CTNND2: variants seen among roughly 807,000 people sequenced by gnomAD.
CTNND2 encodes catenin delta 2.
Under a neutral mutation model 144.4 loss-of-function variants are expected in CTNND2, and 22 were observed. That is an observed-to-expected ratio of 0.15 (90% confidence interval 0.11 to 0.22). CTNND2 has a LOEUF of 0.22. Among genes scored for constraint, CTNND2 ranks in the 10% least tolerant of loss-of-function variants. The probability of loss-of-function intolerance (pLI) is 1.00; values close to 1 mark genes in which losing one functional copy is unlikely to be tolerated. For missense variants in CTNND2, 1,353 were observed against 1,618.8 expected (o/e 0.84, Z 2.82); for synonymous variants, 751 against 695.6 (o/e 1.08, Z -1.25).
intron 3 of CTNND2, among the ~76,000 whole-genome samples, chr5:11,562,628 A>C (rs1291683225): frequency 6.6e-6 from 1 of 152,248 alleles, no homozygotes; most frequent in Non-Finnish European, 1.5e-5. Flanking sequence ...ACTATTATTT[A>C]GTACAGATTT....
rs1312374389 is a variant in CTNND2, at chr5:11,846,004, T to A, written c.37+57813A>T. ...GGAACATAAATCACAGCCTAGCACA[T>A]TATGGCCACAAACCATAATGATTTC... On this transcript the variant is annotated intron_variant, in intron 1 of 21. Coordinates refer to ENST00000304623, the MANE Select transcript of CTNND2 (RefSeq NM_001332.4). Among the ~76,000 whole-genome samples, 13 of 152,288 alleles carry A rather than the reference T, an allele frequency of 8.5e-5. No homozygotes were observed. The East Asian group carries it at 2.5e-3, about 29-fold the overall frequency.
intron 12 of CTNND2, among the ~76,000 whole-genome samples, chr5:11,118,974 T>G (rs1235162376): frequency 6.6e-6 from 1 of 152,062 alleles, no homozygotes; most frequent in Non-Finnish European, 1.5e-5. Context: ...CCCTTCACAC[T>G]CTCTTGGCTC....
At chr5:11,169,831 T>C (rs1418982857) in intron 11 of CTNND2, among the ~76,000 whole-genome samples, 2 of 152,216 alleles carry the variant, frequency 1.3e-5, no homozygotes, top group Non-Finnish European at 2.9e-5. Flanking sequence ...TCTTGGGTTC[T>C]ACGGCTTTCA....
chr5:11,481,623 C>T (rs371639327), intron 3 of CTNND2, among the ~76,000 whole-genome samples: 45 of 150,330 alleles, frequency 3.0e-4, no homozygotes, highest in Non-Finnish European at 3.7e-4. Flanking sequence ...GAGGGAGAGA[C>T]GGAGAGAGAG....
rs1437256194 is a variant in CTNND2 at position 11,204,208 on chromosome 5, C to T, written c.1762-4547G>A. 4.6e-5 allele frequency among the ~76,000 whole-genome samples: 7 copies of T among 152,290 alleles called. No homozygotes were observed. In the East Asian group the frequency reaches 1.3e-3, roughly 29 times the overall value. On this transcript the variant is annotated intron_variant, in intron 10 of 21. Transcript: ENST00000304623. ...CAAATAAAGCAAAACTATGCCCTGC[C>T]TGTCTTTTGTTTTGTTTTTGGGTTG...
intron 3 of CTNND2, among the ~76,000 whole-genome samples, chr5:11,536,338 A>G (rs1774216462): frequency 6.6e-6 from 1 of 152,162 alleles, no homozygotes; most frequent in Non-Finnish European, 1.5e-5. Flanking sequence ...TGCTGGGATT[A>G]CAGGTGTGAG....
chr5:11,624,085 A>G (rs1212345402), intron 2 of CTNND2, among the ~76,000 whole-genome samples: 2 of 151,810 alleles, frequency 1.3e-5, no homozygotes, highest in African/African-American at 2.4e-5. Flanking sequence ...TTTATTCGCA[A>G]TGTAGGAACA....
intron 17 of CTNND2, among the ~76,000 whole-genome samples, chr5:11,021,938 G>A (rs1015759013): frequency 6.6e-6 from 1 of 152,088 alleles, no homozygotes; most frequent in South Asian, 2.1e-4. Flanking sequence ...TTTAATTAAG[G>A]TTAGTGAAGG....
At chr5:11,419,673 C>T (rs1762210881) in intron 3 of CTNND2, among the ~76,000 whole-genome samples, 1 of 152,148 alleles carries the variant, frequency 6.6e-6, no homozygotes, top group African/African-American at 2.4e-5. Context: ...GTGATTTCCA[C>T]CTCATCATTC....
chr5:11,799,826 T>A (rs565816405), intron 1 of CTNND2, among the ~76,000 whole-genome samples: 145 of 152,256 alleles, frequency 9.5e-4, no homozygotes, highest in African/African-American at 3.3e-3. Flanking sequence ...AAATGAGGCA[T>A]GAAAAGTTTA....
chr5:11,706,062 C>A (rs1785677203), intron 2 of CTNND2, among the ~76,000 whole-genome samples: 1 of 152,156 alleles, frequency 6.6e-6, no homozygotes. Context: ...CAGCCTTGAG[C>A]CAGACAGTAT....
chr5:11,064,553 G>A (rs1238762338), intron 16 of CTNND2, among the ~76,000 whole-genome samples: 4 of 151,690 alleles, frequency 2.6e-5, no homozygotes, highest in South Asian at 2.1e-4. Flanking sequence ...CTCCTTCTCC[G>A]GTAACTGTCC....
rs1379625301 is a variant in CTNND2, at chr5:11,485,372, TGTGCGCGCGCGCGC to T, written c.288-73317_288-73304del. ...GTGTGTGTGTGTGTGTGTGTGTGTG[TGTGCGCGCGCGCGC>T]GTGCGCGCGCACATTCAATGCAATC... On this transcript the variant is annotated intron_variant, in intron 3 of 21. Transcript: ENST00000304623. Among the ~76,000 whole-genome samples the T allele has an allele frequency of 7.6e-4, 96 of 125,808 alleles. 2 individuals are homozygous for T. The South Asian group carries it at 0.01, about 13-fold the overall frequency. 82.5% of individuals were successfully genotyped at this position (125,808 alleles called of 152,430 possible).
intron 2 of CTNND2, among the ~76,000 whole-genome samples, chr5:11,581,188 G>A (rs1042362730): frequency 3.3e-5 from 5 of 151,936 alleles, no homozygotes; most frequent in South Asian, 2.1e-4. Context: ...ACTTACCTAC[G>A]CTACAGACTC....
At chr5:11,025,043 C>T (rs917255893) in intron 16 of CTNND2, among the ~76,000 whole-genome samples, 1 of 152,158 alleles carries the variant, frequency 6.6e-6, no homozygotes, top group Non-Finnish European at 1.5e-5. Context: ...CGAGGAAACT[C>T]ATTGGATTTA....
Position 11,903,787 on chromosome 5 carries a change from C to T in CTNND2, c.37+30G>A, listed in dbSNP as rs1274039794. On this transcript the variant is annotated intron_variant, in intron 1 of 21. Transcript: ENST00000304623. The surrounding 1 kb of genome is among the most constrained non-coding windows in gnomAD (Gnocchi z 5.4). ...GACGGCGCCGGGAGGAGGCTGCGCC[C>T]GGCCCCGGCCGCCCAGCCCCGCAAC... 2.0e-6 allele frequency: 3 copies of T among 1,474,682 alleles called. No individual in the cohort carries two copies. The highest frequency in any genetic ancestry group is 1.3e-5 in the South Asian group (1 of 78,244). 91.3% of individuals were successfully genotyped at this position (1,474,682 alleles called of 1,614,324 possible). A position where few individuals can be genotyped will look rare whatever the true frequency, so the allele number is the denominator to read the frequency against.
intron 13 of CTNND2, among the ~76,000 whole-genome samples, chr5:11,115,995 G>C (rs1428985261): frequency 1.3e-5 from 2 of 152,186 alleles, no homozygotes; most frequent in South Asian, 2.1e-4. Context: ...CATTTTACCA[G>C]ATTCCCAATT....
chr5:11,707,072 C>G (rs951708814), intron 2 of CTNND2, among the ~76,000 whole-genome samples: 2 of 142,204 alleles, frequency 1.4e-5, no homozygotes, highest in Admixed American at 1.4e-4. Flanking sequence ...GGAGACAGAG[C>G]AATACTCCAT....
At chr5:11,383,346 C>T (rs1387816439) in intron 7 of CTNND2, among the ~76,000 whole-genome samples, 2 of 152,126 alleles carry the variant, frequency 1.3e-5, no homozygotes, top group Non-Finnish European at 2.9e-5. Context: ...TTTACAAAAG[C>T]ATTTACATGA....
Sources: allele counts gnomAD v4.1 joint callset (sites outside exome capture counted in the v4.1 genomes callset), GRCh38; gene constraint gnomAD v4.1.1; non-coding constraint Gnocchi (gnomAD v3.1); transcripts MANE v1.5; gene names NCBI Gene and HGNC (gene_info 2026-07-23, HGNC 2026-07-21).